The following MYO18A variants were observed in gnomAD, a reference collection of about 807,000 sequenced individuals.
MYO18A encodes unconventional myosin-XVIIIa.
MYO18A carries 78 observed loss-of-function variants against 235.8 expected under a neutral mutation model. The observed-to-expected ratio is 0.33, with a 90% CI of 0.28 to 0.40. MYO18A has a LOEUF of 0.40. Ranked by LOEUF, MYO18A falls within the 10% of genes least tolerant of loss-of-function variation. MYO18A has a pLI of 1.00. For synonymous variants in MYO18A, 977 were observed against 1,077.8 expected, an observed-to-expected ratio of 0.91 and a Z score of 1.83; for missense variants, 2,215 against 2,699.3, an observed-to-expected ratio of 0.82 and a Z score of 3.98.
At position 29,098,807 on chromosome 17, in the gene MYO18A, C is replaced by T. The variant is rs1159950130; in HGVS notation, c.3780+19G>A. 6 of 1,613,724 alleles carry T rather than the reference C, an allele frequency of 3.7e-6. No individual in the cohort carries two copies. Among genetic ancestry groups the T allele is most frequent in the Non-Finnish European group, 5.1e-6 (6 of 1,179,718 alleles). ...CTTCCCCCTACCCAGAGACTTGGCC[C>T]TCTCAGGCTGTCACATACGTCTTTG... On this transcript the variant is annotated intron_variant, in intron 23 of 41. Transcript: ENST00000527372.
chr17:29,078,686 A>G (rs1030434188), intron 41 of MYO18A: 1 of 152,232 alleles, frequency 6.6e-6, no homozygotes, highest in African/African-American at 2.4e-5. Flanking sequence ...GTGATCTAAA[A>G]TGTCACCACG....
At chr17:29,094,570 G>A in intron 30 of MYO18A, 80 bp downstream of exon 30, 3 of 1,428,608 alleles carry the variant, frequency 2.1e-6, no homozygotes, top group Non-Finnish European at 3.0e-6. Flanking sequence ...AGGATCCTCT[G>A]GCCCATGCCT....
chr17:29,166,851 C>T lies in MYO18A; in HGVS notation c.90G>A (p.Ala30=), dbSNP rs372303213. The T allele has an allele frequency of 8.3e-6, 13 of 1,565,752 alleles. No individual in the cohort carries two copies. In the East Asian group the frequency reaches 1.4e-4, roughly 17 times the overall value. Residue 30 remains alanine, a synonymous_variant, in exon 2 of 42, where the codon GCG becomes GCA. Transcript: ENST00000527372. ...TCTCCTCCAGGCTCCGAAGCTCTGC[C>T]GCTGACATCCGCTCCTTTTTCTCCT... is the stretch of plus-strand genomic sequence containing the variant. ...EKKEKKERMS[A]AELRSLEEMS... is the part of the protein sequence containing the mutation.
In MYO18A at chr17:29,116,426, C is replaced by T; in HGVS notation, c.2050+18G>A. ...AATCACGGCAATTAGGGAAAGCTAACAAGAAACAAGGTTTTACCTTCAGCA... is the reference window on the plus strand; with the variant it reads ...AATCACGGCAATTAGGGAAAGCTAATAAGAAACAAGGTTTTACCTTCAGCA... On this transcript the variant is annotated intron_variant, in intron 11 of 41. Coordinates refer to ENST00000527372, the MANE Select transcript of MYO18A (RefSeq NM_078471.4). 6.2e-7 allele frequency: 1 copy of T among 1,613,966 alleles called. No homozygotes were observed. Among genetic ancestry groups the T allele is most frequent in the Admixed American group, 1.7e-5 (1 of 60,030 alleles).
At position 29,117,414 on chromosome 17, in the gene MYO18A, C is replaced by T. The variant is rs1023358951; in HGVS notation, c.2038+631G>A. 4.6e-5 allele frequency among the ~76,000 whole-genome samples: 7 copies of T among 152,108 alleles called. No homozygotes were observed. Among genetic ancestry groups the T allele is most frequent in the Admixed American group, 2.6e-4 (4 of 15,278 alleles). Reference sequence around the variant, plus strand: ...ACTGGGGAAAACTGGTCTGGGGAGGCCCCAGGTAGCAAGCCCACCCTACCC... The same window carrying T: ...ACTGGGGAAAACTGGTCTGGGGAGGTCCCAGGTAGCAAGCCCACCCTACCC... On this transcript the variant is annotated intron_variant, in intron 10 of 41. Transcript: ENST00000527372. The surrounding 1 kb of genome is among the most constrained non-coding windows in gnomAD (Gnocchi z 4.6).
At position 29,111,988 on chromosome 17, in the gene MYO18A, C is replaced by T; in HGVS notation, c.2599-125G>A. 8.1e-7 allele frequency: 1 copy of T among 1,231,386 alleles called. No homozygotes were observed. 76.3% of individuals were successfully genotyped at this position (1,231,386 alleles called of 1,614,324 possible). ...GTGCACACATGCACACACGCACATG[C>T]CGCAGCTCCTGCCGCTCACTGCTGA... On this transcript the variant is annotated intron_variant, in intron 15 of 41. Transcript: ENST00000527372. This position sits in a 1 kb window ranked among gnomAD's most constrained non-coding sequence, Gnocchi z 5.1.
intron 1 of MYO18A, among the ~76,000 whole-genome samples, chr17:29,179,329 C>G (rs1319398924): frequency 6.7e-6 from 1 of 150,178 alleles, no homozygotes; most frequent in Non-Finnish European, 1.5e-5. Context: ...GACACATGTG[C>G]CTTGCAGTAG....
intron 25 of MYO18A, 98 bp from the exon 26 acceptor site, chr17:29,097,997 GGGAT>G (rs1468008267): frequency 1.9e-6 from 3 of 1,573,688 alleles, no homozygotes; most frequent in Non-Finnish European, 2.6e-6. Context: ...AGGGCAGACA[GGGAT>G]GCTGGGCTAG....
At chr17:29,104,531 G>A (rs973506483) in intron 20 of MYO18A, among the ~76,000 whole-genome samples, 3 of 152,154 alleles carry the variant, frequency 2.0e-5, no homozygotes, top group African/African-American at 7.2e-5. Flanking sequence ...ATAAGGGGTA[G>A]GGTAGAGAAG....
intron 37 of MYO18A, among the ~76,000 whole-genome samples, chr17:29,088,049 ATTC>A (rs2066299332): frequency 6.8e-6 from 1 of 146,078 alleles, no homozygotes; most frequent in African/African-American, 2.5e-5. Flanking sequence ...CAGAAAATAA[ATTC>A]TTTTTTTTTT....
At position 29,099,672 on chromosome 17, in the gene MYO18A, T is replaced by G. The variant is rs2152786820; in HGVS notation, c.3598A>C (p.Arg1200=). The G allele has an allele frequency of 6.2e-7, 1 of 1,613,722 alleles. No homozygotes were observed. Among genetic ancestry groups the G allele is most frequent in the Non-Finnish European group, 8.5e-7 (1 of 1,179,830 alleles). ...AAGTGCTGGCGGGCCAGGTAGCCCC[T>G]GCAGGCTGCTTGGAACAGGGTTAGG... ...RNLTLFQAAC[R]GYLARQHFKK... Residue 1200 remains arginine, a synonymous_variant, in exon 22 of 42, where the codon AGG becomes CGG. Coordinates refer to ENST00000527372, the MANE Select transcript of MYO18A (RefSeq NM_078471.4).
Position 29,096,752 on chromosome 17 carries a change from C to A in MYO18A, c.4385+9G>T, listed in dbSNP as rs1433118079. 1 of 1,588,614 alleles carries A rather than the reference C, an allele frequency of 6.3e-7. No individual in the cohort carries two copies. On this transcript the variant is annotated intron_variant, in intron 28 of 41. Transcript: ENST00000527372. ...GGTTCTCTGGGCCCAGGGCAGGGGG[C>A]CCACCCACCTCCTCTGCTTCTTCTC...
At chr17:29,136,036 T>C (rs1211505045) in intron 2 of MYO18A, among the ~76,000 whole-genome samples, 2 of 152,082 alleles carry the variant, frequency 1.3e-5, no homozygotes, top group East Asian at 1.9e-4. Flanking sequence ...GAGACCAGCC[T>C]GGGCAACACG....
intron 41 of MYO18A, chr17:29,081,043 G>A (rs1036044749): frequency 2.9e-5 from 28 of 966,552 alleles, no homozygotes; most frequent in Admixed American, 6.2e-5. Context: ...AACCAGACGT[G>A]GATGAGGGCA....
In MYO18A at chr17:29,121,071, C is replaced by G; in HGVS notation, c.1512G>C (p.Lys504Asn). The change falls in exon 6 of 42, where the codon AAG becomes AAC. Residue 504 changes from lysine (K) to asparagine (N), a missense_variant. By Grantham distance (94) the Lys-to-Asn change is moderately conservative. Transcript: ENST00000527372. This position sits in a 1 kb window ranked among gnomAD's most constrained non-coding sequence, Gnocchi z 4.2. ...GCACCAGATGCTGGCAGCTGGTGGT[C>G]TTGCCACTGCCACTACTGCCCAGGA... ...IILLGSSGSGKTTSCQHLVQY... is the reference protein window; with the variant it reads ...IILLGSSGSGNTTSCQHLVQY... 1 of 1,612,816 alleles carries G rather than the reference C, an allele frequency of 6.2e-7. No homozygotes were observed. Among genetic ancestry groups the G allele is most frequent in the Non-Finnish European group, 8.5e-7 (1 of 1,179,488 alleles).
rs2066890648 is a variant in MYO18A at position 29,110,027 on chromosome 17, C to A, written c.3162G>T (p.Trp1054Cys). 1.2e-6 allele frequency: 2 copies of A among 1,613,228 alleles called. No homozygotes were observed. The highest frequency in any genetic ancestry group is 1.3e-5 in the African/African-American group (1 of 75,044). The change falls in exon 19 of 42, where the codon TGG (tryptophan) becomes TGT (cysteine). Residue 1054 changes from tryptophan to cysteine, a missense_variant. By Grantham distance (215) the Trp-to-Cys change is radical (BLOSUM62 -2). Coordinates refer to ENST00000527372, the MANE Select transcript of MYO18A (RefSeq NM_078471.4). ...AGGAGGCGGAACGGGGCTCCCCAGC[C>A]CAGCCCTCAGCTACAGGCAGGAAGC... ...VHCFLPVAEGWAGEPRSASSR... is the reference protein window; with the variant it reads ...VHCFLPVAEGCAGEPRSASSR...
chr17:29,100,911 C>G (rs1395834026), intron 21 of MYO18A, among the ~76,000 whole-genome samples: 2 of 152,256 alleles, frequency 1.3e-5, no homozygotes, highest in African/African-American at 4.8e-5. Context: ...TGGAAAAAGC[C>G]AGCTCAGTCC....
At chr17:29,135,135 C>G (rs1320206204) in intron 2 of MYO18A, among the ~76,000 whole-genome samples, 1 of 151,408 alleles carries the variant, frequency 6.6e-6, no homozygotes, top group Non-Finnish European at 1.5e-5. Flanking sequence ...TCATCTCACT[C>G]TATCACCCAG....
chr17:29,178,834 TTCAATGGG>T, intron 1 of MYO18A, among the ~76,000 whole-genome samples: 1 of 152,212 alleles, frequency 6.6e-6, no homozygotes, highest in East Asian at 1.9e-4. Flanking sequence ...AGGCGGCTGA[TTCAATGGG>T]CTCTGTACTC....
Sources: gnomAD v4.1 joint callset for allele counts (sites outside exome capture counted in the v4.1 genomes callset) on GRCh38, gnomAD v4.1.1 for gene constraint, Gnocchi (gnomAD v3.1) non-coding constraint, MANE v1.5 for transcripts, NCBI Gene and HGNC (gene_info 2026-07-23, HGNC 2026-07-21) for gene names.